The following RNF2 variants were observed in gnomAD, a reference collection of about 807,000 sequenced individuals.
RNF2 encodes the protein ring finger protein 2, also known as E3 ubiquitin-protein ligase RING2.
Under a neutral mutation model 37.2 loss-of-function variants are expected in RNF2, and 6 were observed. The observed-to-expected ratio is 0.16, with a 90% CI of 0.09 to 0.32. RNF2 has a LOEUF of 0.32. Among genes scored for constraint, RNF2 ranks in the 10% least tolerant of loss-of-function variants. The probability of loss-of-function intolerance (pLI) is 1.00; values close to 1 mark genes in which losing one functional copy is unlikely to be tolerated. For missense variants in RNF2, 251 were observed against 404.0 expected, an observed-to-expected ratio of 0.62 and a Z score of 3.25; for synonymous variants, 133 against 132.7, an observed-to-expected ratio of 1.00 and a Z score of -0.02.
intron 1 of RNF2, among the ~76,000 whole-genome samples, chr1:185,070,432 T>C (rs906590431): frequency 6.6e-5 from 10 of 152,182 alleles, no homozygotes; most frequent in African/African-American, 2.4e-4. Context: ...TCTCTGCCTT[T>C]ACTTTGGGGA....
At chr1:185,077,625 G>GGTTTTTTTTTTTTTTTTTTTTTTT in intron 1 of RNF2, among the ~76,000 whole-genome samples, 1 of 115,696 alleles carries the variant, frequency 8.6e-6, no homozygotes, top group Admixed American at 8.6e-5. Context: ...AATTAACTTT[G>GGTTTTTTTTTTTTTTTTTTTTTTT]TTTTTTTTTT....
intron 1 of RNF2, among the ~76,000 whole-genome samples, chr1:185,059,787 AT>A (rs1299519632): frequency 6.6e-6 from 1 of 152,214 alleles, no homozygotes; most frequent in Non-Finnish European, 1.5e-5. Context: ...TATGAAAATT[AT>A]ATTTTTATCT....
chr1:185,096,298 G>A (rs769171888), intron 4 of RNF2, among the ~76,000 whole-genome samples: 3 of 152,070 alleles, frequency 2.0e-5, no homozygotes, highest in Non-Finnish European at 4.4e-5. Context: ...CCATTTGTAA[G>A]TGTAGAGTTC....
At chr1:185,066,890 T>G (rs1174826905) in intron 1 of RNF2, among the ~76,000 whole-genome samples, 1 of 152,046 alleles carries the variant, frequency 6.6e-6, no homozygotes, top group Non-Finnish European at 1.5e-5. Context: ...ATGGGAGAAA[T>G]GTGGTAGGAA....
At chr1:185,087,773 G>A (rs1272470102) in intron 2 of RNF2, 133 bp downstream of exon 2, 3 of 673,016 alleles carry the variant, frequency 4.5e-6, no homozygotes, top group East Asian at 5.5e-5. Context: ...TCTGTATGTT[G>A]GCTAACACTT....
chr1:185,071,326 T>C (rs17379801), intron 1 of RNF2, among the ~76,000 whole-genome samples: 7,335 of 152,196 alleles, frequency 0.048, 314 homozygotes, highest in Non-Finnish European at 0.064. Context: ...GGCTAGTTTA[T>C]AGGGAAGATA....
At chr1:185,085,357 C>T (rs1651557025) in intron 1 of RNF2, among the ~76,000 whole-genome samples, 1 of 151,812 alleles carries the variant, frequency 6.6e-6, no homozygotes, top group Non-Finnish European at 1.5e-5. Context: ...ACCGTGGTCT[C>T]GATCTCCTGA....
Position 185,087,514 on chromosome 1 carries a change from A to G in RNF2, c.-2-38A>G, listed in dbSNP as rs752851997. 8.9e-6 allele frequency: 14 copies of G among 1,573,724 alleles called. 1 individual carries two copies. In the South Asian group the frequency reaches 1.6e-4, roughly 17 times the overall value. ...ATTCAGACCATAGCACTTCCCTTCC[A>G]AATACTAAAATTGTTTTTCTCTCTT... On this transcript the variant is annotated intron_variant, in intron 1 of 6. Transcript: ENST00000367510.
intron 1 of RNF2, among the ~76,000 whole-genome samples, chr1:185,048,659 C>A (rs1045821590): frequency 4.6e-5 from 7 of 151,988 alleles, no homozygotes; most frequent in African/African-American, 1.7e-4. Flanking sequence ...ATGTTACTTA[C>A]GGGCTCTTCT....
chr1:185,085,187 C>T (rs1328777280), intron 1 of RNF2, among the ~76,000 whole-genome samples: 1 of 122,020 alleles, frequency 8.2e-6, no homozygotes, highest in African/African-American at 3.3e-5. Context: ...CTCACTCTGT[C>T]ACCCAGGCTG....
chr1:185,075,570 A>G (rs971432759), intron 1 of RNF2, among the ~76,000 whole-genome samples: 1 of 152,216 alleles, frequency 6.6e-6, no homozygotes, highest in Non-Finnish European at 1.5e-5. Context: ...GCAAGGCTGT[A>G]CAGGAAGCAT....
At chr1:185,050,092 G>T (rs1216825571) in intron 1 of RNF2, among the ~76,000 whole-genome samples, 1 of 152,208 alleles carries the variant, frequency 6.6e-6, no homozygotes, top group African/African-American at 2.4e-5. Context: ...TGATCTGGAC[G>T]AATAGTGTAG....
At chr1:185,071,450 A>C (rs1035230618) in intron 1 of RNF2, 1 of 152,202 alleles carries the variant, frequency 6.6e-6, no homozygotes, top group African/African-American at 2.4e-5. Flanking sequence ...GTGAAATTAC[A>C]GCTATCTGTT....
intron 1 of RNF2, among the ~76,000 whole-genome samples, chr1:185,050,619 G>A (rs1650244701): frequency 6.6e-6 from 1 of 152,140 alleles, no homozygotes; most frequent in African/African-American, 2.4e-5. Context: ...ATAAAATATT[G>A]ATCATTACCT....
At chr1:185,072,688 C>G (rs1571308128) in intron 1 of RNF2, among the ~76,000 whole-genome samples, 1 of 152,140 alleles carries the variant, frequency 6.6e-6, no homozygotes, top group Non-Finnish European at 1.5e-5. Flanking sequence ...TGCCTGTAAT[C>G]CCAGCACTTT....
intron 1 of RNF2, 21 bp from the exon 2 acceptor site, chr1:185,087,531 T>C (rs1380551626): frequency 1.2e-6 from 2 of 1,610,284 alleles, no homozygotes; most frequent in South Asian, 2.2e-5. Context: ...AAAATTGTTT[T>C]TCTCTCTTCT....
At chr1:185,083,634 T>C (rs774954292) in intron 1 of RNF2, among the ~76,000 whole-genome samples, 3 of 152,064 alleles carry the variant, frequency 2.0e-5, no homozygotes, top group African/African-American at 7.2e-5. Context: ...GTCACTATTA[T>C]TAGGTGTATT....
At chr1:185,093,833 A>C (rs1651837093) in intron 4 of RNF2, among the ~76,000 whole-genome samples, 2 of 152,304 alleles carry the variant, frequency 1.3e-5, no homozygotes, top group South Asian at 4.1e-4. Flanking sequence ...CAACTGTGAA[A>C]TATGGCGTGT....
intron 2 of RNF2, among the ~76,000 whole-genome samples, chr1:185,090,954 A>T (rs1198768077): frequency 6.6e-6 from 1 of 152,228 alleles, no homozygotes; most frequent in Non-Finnish European, 1.5e-5. Flanking sequence ...ATTCTGGTTT[A>T]AATCAGCTCC....
Sources: allele counts gnomAD v4.1 joint callset (sites outside exome capture counted in the v4.1 genomes callset), GRCh38; gene constraint gnomAD v4.1.1; transcripts MANE v1.5; gene names NCBI Gene and HGNC (gene_info 2026-07-23, HGNC 2026-07-21).